KIAA1217: variants seen among roughly 807,000 people sequenced by gnomAD.
KIAA1217 encodes sickle tail protein homolog.
Under a neutral mutation model 163.9 loss-of-function variants are expected in KIAA1217, and 88 were observed. That is an observed-to-expected ratio of 0.54 (90% CI 0.45 to 0.64). KIAA1217 has a LOEUF of 0.64. KIAA1217 is among the 30% of genes least tolerant of loss of function. KIAA1217 has a pLI of 0.00. For missense variants in KIAA1217, 2,372 were observed against 2,475.0 expected (o/e 0.96, Z 0.88); for synonymous variants, 903 against 923.1 (o/e 0.98, Z 0.39).
At chr10:24,065,256 TC>T (rs757544484) in intron 2 of KIAA1217, among the ~76,000 whole-genome samples, 2 of 152,346 alleles carry the variant, frequency 1.3e-5, no homozygotes, top group Non-Finnish European at 2.9e-5. Context: ...TTTAGATCTT[TC>T]CTGCTTTCTC....
chr10:24,506,530 G>A (rs968888501), intron 9 of KIAA1217, among the ~76,000 whole-genome samples: 2 of 152,144 alleles, frequency 1.3e-5, no homozygotes, highest in South Asian at 2.1e-4. Flanking sequence ...TATAAAAATG[G>A]CAAAGCATTT....
At chr10:24,325,736 G>A (rs1360025283) in intron 2 of KIAA1217, among the ~76,000 whole-genome samples, 1 of 152,208 alleles carries the variant, frequency 6.6e-6, no homozygotes, top group African/African-American at 2.4e-5. Flanking sequence ...TGGGGTGGAA[G>A]TTTGGCTTTG....
At chr10:24,153,662 T>A (rs550901926) in intron 2 of KIAA1217, among the ~76,000 whole-genome samples, 3 of 152,338 alleles carry the variant, frequency 2.0e-5, no homozygotes, top group African/African-American at 7.2e-5. Context: ...CTTTGCTAGA[T>A]CACTGCTTTC....
At chr10:24,528,328 T>C (rs916866702) in intron 14 of KIAA1217, among the ~76,000 whole-genome samples, 1 of 151,034 alleles carries the variant, frequency 6.6e-6, no homozygotes, top group Admixed American at 6.6e-5. Flanking sequence ...TTTTGTTTTT[T>C]TTTTTGTTTT....
chr10:24,355,235 C>T (rs748499797), intron 2 of KIAA1217, among the ~76,000 whole-genome samples: 1 of 152,210 alleles, frequency 6.6e-6, no homozygotes, highest in Non-Finnish European at 1.5e-5. Flanking sequence ...TAGCAAGTCT[C>T]ACAGCCAGGG....
At chr10:24,186,123 C>G (rs2066418245) in intron 2 of KIAA1217, among the ~76,000 whole-genome samples, 1 of 152,050 alleles carries the variant, frequency 6.6e-6, no homozygotes, top group African/African-American at 2.4e-5. Flanking sequence ...AATCATCATT[C>G]TATGGTTGTC....
At chr10:23,963,864 C>G (rs1421537231) in intron 1 of KIAA1217, among the ~76,000 whole-genome samples, 11 of 151,384 alleles carry the variant, frequency 7.3e-5, no homozygotes, top group Non-Finnish European at 7.4e-5. Context: ...CTCTAATGAA[C>G]AGTGATGATG....
At chr10:23,988,937 T>C (rs1227281235) in intron 1 of KIAA1217, among the ~76,000 whole-genome samples, 1 of 152,228 alleles carries the variant, frequency 6.6e-6, no homozygotes, top group East Asian at 1.9e-4. Context: ...CAGAAATTCT[T>C]GGCAACATGA....
chr10:23,838,094 C>A (rs1838579802), intron 1 of KIAA1217, among the ~76,000 whole-genome samples: 1 of 152,116 alleles, frequency 6.6e-6, no homozygotes, highest in African/African-American at 2.4e-5. Context: ...GCAACTAGGA[C>A]ACATTATAAT....
chr10:24,364,511 G>GGAT lies in KIAA1217; in HGVS notation c.355-16358_355-16357insGAT, dbSNP rs1591338578. Among the ~76,000 whole-genome samples, 4 of 152,136 alleles carry GGAT rather than the reference G, an allele frequency of 2.6e-5. No individual in the cohort carries two copies. The East Asian group carries it at 7.7e-4, about 29-fold the overall frequency. ...ATTTTGTAATCCTGAGAAAACTTAT[G>GGAT]TGTGATTATAGGATCCTGAGGCCTA... is the stretch of plus-strand genomic sequence containing the variant. On this transcript the variant is annotated intron_variant, in intron 2 of 20. Coordinates refer to ENST00000376454, the MANE Select transcript of KIAA1217 (RefSeq NM_019590.5).
chr10:24,060,231 A>C (rs1428757609), intron 2 of KIAA1217, among the ~76,000 whole-genome samples: 1 of 151,214 alleles, frequency 6.6e-6, no homozygotes, highest in African/African-American at 2.4e-5. Context: ...CAACTTTTAG[A>C]CTTAGTTTCT....
At chr10:24,109,384 C>T (rs1393061019) in intron 2 of KIAA1217, among the ~76,000 whole-genome samples, 1 of 147,618 alleles carries the variant, frequency 6.8e-6, no homozygotes, top group African/African-American at 2.5e-5. Flanking sequence ...ACTGTGGTCT[C>T]TTTTTTTTTT....
At chr10:24,494,880 C>T in intron 7 of KIAA1217, 1 of 575,548 alleles carries the variant, frequency 1.7e-6, no homozygotes, top group Non-Finnish European at 3.1e-6. Flanking sequence ...ACTCACCGTG[C>T]AGTGCCTGCA....
At position 24,474,006 on chromosome 10, in the gene KIAA1217, A is replaced by C; in HGVS notation, c.1625A>C (p.Glu542Ala). ...GTAGACCTCGGCCCTCCTCTAATGG[A>C]GAAGCAAGTTTTTGCCTACAGCACG... ...SLVDLGPPLMEKQVFAYSTAT... is the reference protein window; with the variant it reads ...SLVDLGPPLMAKQVFAYSTAT... Residue 542 changes from glutamate to alanine, a missense_variant, in exon 6 of 21, where the codon GAG becomes GCG. This residue lies in a region of KIAA1217 where 1,431 missense variants were observed against 1,470.3 expected (regional missense o/e 0.97). Transcript: ENST00000376454. 6.2e-7 allele frequency: 1 copy of C among 1,611,850 alleles called. No homozygotes were observed. The highest frequency in any genetic ancestry group is 2.2e-5 in the East Asian group (1 of 44,796).
chr10:24,407,848 C>T (rs753191156), intron 3 of KIAA1217, among the ~76,000 whole-genome samples: 3 of 152,054 alleles, frequency 2.0e-5, no homozygotes, highest in Non-Finnish European at 4.4e-5. Flanking sequence ...AAAGCGTCCA[C>T]TTGTATATTG....
chr10:23,999,060 A>G (rs1204122080), intron 1 of KIAA1217, among the ~76,000 whole-genome samples: 2 of 152,192 alleles, frequency 1.3e-5, no homozygotes, highest in African/African-American at 4.8e-5. Flanking sequence ...AAATAGCCAT[A>G]TACAGTTTTT....
chr10:24,546,362 T>TA lies in KIAA1217; in HGVS notation c.*46dup, dbSNP rs759021216. 2.0e-5 allele frequency: 31 copies of TA among 1,527,574 alleles called. No individual in the cohort carries two copies. The highest frequency in any genetic ancestry group is 1.4e-4 in the African/African-American group (10 of 71,774). 94.6% of individuals were successfully genotyped at this position (1,527,574 alleles called of 1,614,324 possible). On this transcript the variant is annotated 3_prime_UTR_variant, in exon 21 of 21. Transcript: ENST00000376454. Reference sequence around the variant, plus strand: ...ATTAGGCACAAGTCGGAGTTACATTTAAAAAAAATTAACAGTCTACAACAA... The same window carrying TA: ...ATTAGGCACAAGTCGGAGTTACATTTAAAAAAAAATTAACAGTCTACAACAA...
chr10:23,949,013 G>A (rs957007662), intron 1 of KIAA1217, among the ~76,000 whole-genome samples: 3 of 152,024 alleles, frequency 2.0e-5, no homozygotes, highest in Non-Finnish European at 4.4e-5. Context: ...GATATGAAAG[G>A]TACCTAAATA....
At chr10:23,980,756 A>G (rs187564821) in intron 1 of KIAA1217, among the ~76,000 whole-genome samples, 1 of 152,312 alleles carries the variant, frequency 6.6e-6, no homozygotes, top group East Asian at 1.9e-4. Context: ...CTTGATGGCA[A>G]ATTATGACTT....
Sources: gnomAD v4.1 joint callset for allele counts (sites outside exome capture counted in the v4.1 genomes callset) on GRCh38, gnomAD v4.1.1 for gene constraint, gnomAD v4.1.1 regional missense constraint, MANE v1.5 for transcripts, NCBI Gene and HGNC (gene_info 2026-07-23, HGNC 2026-07-21) for gene names.